Variants in KLHL6 observed in about 807,000 individuals in gnomAD.
The protein encoded by KLHL6 is kelch like family member 6, also known as kelch-like protein 6.
Under a neutral mutation model 58.6 loss-of-function variants are expected in KLHL6, and 41 were observed. The ratio of observed to expected loss-of-function variants is 0.70; its 90% CI spans 0.55 to 0.91. The LOEUF is 0.91. KLHL6 is among the 40% of genes least tolerant of loss of function. The pLI, the probability that KLHL6 is intolerant of heterozygous loss-of-function variation, is 0.00. For missense variants in KLHL6, 714 were observed against 805.6 expected, an observed-to-expected ratio of 0.89 and a Z score of 1.38; for synonymous variants, 338 against 322.7, an observed-to-expected ratio of 1.05 and a Z score of -0.51.
chr3:183,524,463 G>A (rs577818426), intron 2 of KLHL6, among the ~76,000 whole-genome samples: 17 of 152,298 alleles, frequency 1.1e-4, no homozygotes, highest in African/African-American at 4.1e-4. Context: ...TTCTTCTAGT[G>A]GGCAGATCAA....
intron 1 of KLHL6, among the ~76,000 whole-genome samples, chr3:183,544,163 CAAAAAA>C (rs56357226): frequency 2.1e-4 from 12 of 57,008 alleles, no homozygotes; most frequent in African/African-American, 7.2e-4. Flanking sequence ...AACTCAGTCT[CAAAAAA>C]AAAAAAAAAA....
intron 1 of KLHL6, among the ~76,000 whole-genome samples, chr3:183,528,277 C>T (rs1712046216): frequency 6.6e-6 from 1 of 152,176 alleles, no homozygotes; most frequent in Admixed American, 6.5e-5. Context: ...CTTTTATTGG[C>T]TCAAAGTGCA....
At chr3:183,550,560 G>A (rs553540255) in intron 1 of KLHL6, among the ~76,000 whole-genome samples, 4 of 152,042 alleles carry the variant, frequency 2.6e-5, no homozygotes, top group East Asian at 1.9e-4. Context: ...TTTGGGAGGC[G>A]GAGGTGGGTG....
At chr3:183,526,347 C>A (rs1164758021) in intron 2 of KLHL6, among the ~76,000 whole-genome samples, 1 of 152,112 alleles carries the variant, frequency 6.6e-6, no homozygotes, top group African/African-American at 2.4e-5. Context: ...TTACAAACCA[C>A]AAAGTTATTT....
chr3:183,534,138 T>TACTTTTAAAGTACTTTAAAAG (rs1553812587), intron 1 of KLHL6, among the ~76,000 whole-genome samples: 1 of 76,002 alleles, frequency 1.3e-5, no homozygotes, highest in South Asian at 4.6e-4. Flanking sequence ...CTTTGTACTT[T>TACTTTTAAAGTACTTTAAAAG]TAAAGTACTT....
At chr3:183,549,321 A>G (rs1712830492) in intron 1 of KLHL6, among the ~76,000 whole-genome samples, 2 of 152,218 alleles carry the variant, frequency 1.3e-5, no homozygotes, top group Non-Finnish European at 2.9e-5. Context: ...CAATGATTGT[A>G]ACACCAGGGT....
chr3:183,554,179 A>G (rs1398046995), intron 1 of KLHL6, among the ~76,000 whole-genome samples: 1 of 152,140 alleles, frequency 6.6e-6, no homozygotes, highest in Non-Finnish European at 1.5e-5. Flanking sequence ...CCATGCTGAT[A>G]TGGAGAACAC....
At chr3:183,555,265 A>G (rs1713068067) in intron 1 of KLHL6, 96 bp downstream of exon 1, 1 of 988,836 alleles carries the variant, frequency 1.0e-6, no homozygotes, top group South Asian at 1.6e-5. Context: ...TAAACCATAA[A>G]TATCATGGCC....
At chr3:183,522,824 G>C (rs561550957) in intron 2 of KLHL6, 1 of 152,090 alleles carries the variant, frequency 6.6e-6, no homozygotes, top group Non-Finnish European at 1.5e-5. Context: ...TGTTTGTTTG[G>C]TTTTTGTTTT....
intron 2 of KLHL6, chr3:183,520,473 G>A (rs1455761944): frequency 6.6e-6 from 1 of 151,900 alleles, no homozygotes; most frequent in Non-Finnish European, 1.5e-5. Context: ...CAGGGGACCG[G>A]CGCTCAGCAT....
chr3:183,553,490 A>G (rs113571425), intron 1 of KLHL6, among the ~76,000 whole-genome samples: 2,561 of 152,324 alleles, frequency 0.017, 71 homozygotes, highest in African/African-American at 0.059. Flanking sequence ...AAAAGGATCA[A>G]CCTAAATGTG....
intron 1 of KLHL6, among the ~76,000 whole-genome samples, chr3:183,534,902 GTATGTATGTATA>G (rs1233277173): frequency 1.4e-4 from 21 of 147,500 alleles, no homozygotes; most frequent in African/African-American, 5.0e-4. Context: ...ATATATGTAT[GTATGTATGTATA>G]TATGTATGCA....
intron 1 of KLHL6, among the ~76,000 whole-genome samples, chr3:183,550,856 C>G (rs1048813248): frequency 1.3e-5 from 2 of 151,986 alleles, no homozygotes; most frequent in African/African-American, 4.8e-5. Flanking sequence ...CGCAGTGGCT[C>G]ACGCCTGTAA....
rs548686163 is a variant in KLHL6, at chr3:183,488,350, A to C, written c.*3577T>G. 3.5e-4 allele frequency: 54 copies of C among 152,328 alleles called. No individual in the cohort carries two copies. The highest frequency in any genetic ancestry group is 1.2e-3 in the African/African-American group (49 of 41,564). The allele number at this position is 152,328 out of a possible 1,614,324, so 9.4% of individuals were successfully genotyped here. A position where few individuals can be genotyped will look rare whatever the true frequency, so the allele number is the denominator to read the frequency against. On this transcript the variant is annotated 3_prime_UTR_variant, in exon 7 of 7. Transcript: ENST00000341319. Reference sequence around the variant, plus strand: ...CTCTAACTTGTGCCTCTGCTCTAAGAAGGGGATTCCTTCCTTAGTTCCTTG... The same window carrying C: ...CTCTAACTTGTGCCTCTGCTCTAAGCAGGGGATTCCTTCCTTAGTTCCTTG...
At chr3:183,551,931 G>C (rs568845945) in intron 1 of KLHL6, 11 of 152,194 alleles carry the variant, frequency 7.2e-5, no homozygotes, top group African/African-American at 2.4e-4. Context: ...GCAGTGAAGA[G>C]ACAGTTCAAC....
intron 2 of KLHL6, among the ~76,000 whole-genome samples, chr3:183,513,744 C>T (rs535144000): frequency 7.2e-5 from 11 of 152,126 alleles, no homozygotes; most frequent in East Asian, 3.9e-4. Flanking sequence ...CTGGGACACT[C>T]GTGCAGAATG....
intron 2 of KLHL6, 127 bp downstream of exon 2, chr3:183,527,716 TTG>T (rs914098996): frequency 5.9e-5 from 43 of 723,840 alleles, no homozygotes; most frequent in Non-Finnish European, 7.3e-5. Context: ...GTGTGTGTGT[TTG>T]TGTGCGTGTG....
chr3:183,537,599 C>T (rs1712407779), intron 1 of KLHL6, among the ~76,000 whole-genome samples: 1 of 152,092 alleles, frequency 6.6e-6, no homozygotes, highest in Non-Finnish European at 1.5e-5. Context: ...GAGCCTGACC[C>T]AGCAAGCTTG....
rs201502844 is a variant in KLHL6 at position 183,531,429 on chromosome 3, C to CT, written c.294-3420dup. Among the ~76,000 whole-genome samples, 553 of 132,082 alleles carry CT rather than the reference C, an allele frequency of 4.2e-3. 1 individual carries two copies. Among genetic ancestry groups the CT allele is most frequent in the Non-Finnish European group, 6.8e-3 (417 of 61,264 alleles). 86.7% of individuals were successfully genotyped at this position (132,082 alleles called of 152,430 possible). On this transcript the variant is annotated intron_variant, in intron 1 of 6. Transcript: ENST00000341319. ...ACATCACTTCTTCCTTCTTTCTGTT[C>CT]TTTTTTTGTCTGTGTTTTTTTTTTT...
Sources: allele counts gnomAD v4.1 joint callset (sites outside exome capture counted in the v4.1 genomes callset), GRCh38; gene constraint gnomAD v4.1.1; transcripts MANE v1.5; gene names NCBI Gene and HGNC (gene_info 2026-07-23, HGNC 2026-07-21).